The following LARP1 variants were observed in gnomAD, a reference collection of about 807,000 sequenced individuals.
LARP1 encodes La ribonucleoprotein 1, translational regulator.
A neutral mutation model predicts 122.7 loss-of-function variants in LARP1; 36 were observed. The ratio of observed to expected loss-of-function variants is 0.29; its 90% CI spans 0.22 to 0.39. LARP1 has a LOEUF of 0.39. Ranked by LOEUF, LARP1 falls within the 10% of genes least tolerant of loss-of-function variation. LARP1 has a pLI of 1.00. For synonymous variants in LARP1, 539 were observed against 528.7 expected (o/e 1.02, Z -0.27); for missense variants, 1,040 against 1,403.6 (o/e 0.74, Z 4.14).
At chr5:154,687,895 G>A (rs1354090405) in intron 1 of LARP1, among the ~76,000 whole-genome samples, 1 of 152,172 alleles carries the variant, frequency 6.6e-6, no homozygotes, top group Non-Finnish European at 1.5e-5. Flanking sequence ...GTTTTTGGTT[G>A]CACTGGCCCA....
intron 1 of LARP1, among the ~76,000 whole-genome samples, chr5:154,719,852 A>T (rs1329113549): frequency 1.6e-5 from 2 of 128,810 alleles, no homozygotes; most frequent in African/African-American, 3.2e-5. Flanking sequence ...ACAAAGTGAG[A>T]CTCTGTCTCA....
At chr5:154,797,221 G>GTTT (rs1158010359) in intron 8 of LARP1, among the ~76,000 whole-genome samples, 313 of 29,786 alleles carry the variant, frequency 0.011, 10 homozygotes, top group Non-Finnish European at 0.011. Flanking sequence ...TGTTGTTGTT[G>GTTT]TTTTTTTTTT....
At chr5:154,785,637 A>G (rs1289239873) in intron 1 of LARP1, among the ~76,000 whole-genome samples, 3 of 152,154 alleles carry the variant, frequency 2.0e-5, no homozygotes, top group Non-Finnish European at 4.4e-5. Context: ...AGCAAAGTCC[A>G]TGTGCTTAAT....
intron 1 of LARP1, among the ~76,000 whole-genome samples, chr5:154,715,264 CTTTTTTTT>C (rs35808885): frequency 2.2e-5 from 2 of 90,228 alleles, no homozygotes; most frequent in South Asian, 7.9e-4. Flanking sequence ...GCAAGCCTCT[CTTTTTTTT>C]TTTTTTTTTT....
In LARP1 at chr5:154,793,880, C is replaced by G. The variant is rs751697425; in HGVS notation, c.949C>G (p.His317Asp). The G allele has an allele frequency of 1.9e-6, 3 of 1,614,176 alleles. No individual in the cohort carries two copies. The highest frequency in any genetic ancestry group is 2.2e-5 in the South Asian group (2 of 91,088). ...AGAGATCAAACCGGAGCCTGCCTGG[C>G]ACGACCAGGATGAGACATCGAGTGT... ...QPEIKPEPAW[H>D]DQDETSSVKS... The change falls in exon 6 of 19, where the codon CAC (histidine) becomes GAC (aspartate). Residue 317 changes from histidine (H) to aspartate (D), a missense_variant. This residue lies in a region of LARP1 where 178 missense variants were observed against 178.3 expected (regional missense o/e 1.00). Transcript: ENST00000518297.
intron 1 of LARP1, among the ~76,000 whole-genome samples, chr5:154,707,296 T>C (rs1754997583): frequency 6.6e-6 from 1 of 152,216 alleles, no homozygotes; most frequent in Non-Finnish European, 1.5e-5. Flanking sequence ...AACTCATGGA[T>C]TTAAATACGT....
At position 154,759,385 on chromosome 5, in the gene LARP1, G is replaced by C. The variant is rs143238467; in HGVS notation, c.436+3192G>C. Among the ~76,000 whole-genome samples the C allele has an allele frequency of 9.9e-5, 15 of 152,188 alleles. No individual in the cohort carries two copies. The East Asian group carries it at 2.9e-3, about 29-fold the overall frequency. ...TATAAGTACTCCGTGAAATGTATGGGATCTGTCTCCTTAAAACTTGACTTT... is the reference window on the plus strand; with the variant it reads ...TATAAGTACTCCGTGAAATGTATGGCATCTGTCTCCTTAAAACTTGACTTT... On this transcript the variant is annotated intron_variant, in intron 1 of 18. Transcript: ENST00000518297.
At chr5:154,784,078 T>C (rs1269361876) in intron 1 of LARP1, among the ~76,000 whole-genome samples, 4 of 152,228 alleles carry the variant, frequency 2.6e-5, no homozygotes, top group Non-Finnish European at 4.4e-5. Flanking sequence ...GCAATTTCTC[T>C]GTATTTGGGA....
At chr5:154,700,583 G>C (rs184250019) in intron 1 of LARP1, among the ~76,000 whole-genome samples, 1 of 152,054 alleles carries the variant, frequency 6.6e-6, no homozygotes, top group East Asian at 1.9e-4. Context: ...TTACTGAGAT[G>C]ATGTTGTTGT....
intron 1 of LARP1, chr5:154,786,528 A>G: frequency 2.2e-6 from 1 of 454,526 alleles, no homozygotes; most frequent in Non-Finnish European, 4.4e-6. Flanking sequence ...CCTCCTAGGG[A>G]CTCTGTCTGC....
At chr5:154,690,678 C>T (rs532685815) in intron 1 of LARP1, among the ~76,000 whole-genome samples, 3 of 152,278 alleles carry the variant, frequency 2.0e-5, no homozygotes, top group South Asian at 2.1e-4. Flanking sequence ...CCCCCAGCTG[C>T]GGAGAGCAGG....
intron 10 of LARP1, among the ~76,000 whole-genome samples, chr5:154,801,417 T>C (rs1582460227): frequency 6.6e-6 from 1 of 152,338 alleles, no homozygotes; most frequent in East Asian, 1.9e-4. Context: ...ACAATGCAGT[T>C]GGCTGTTTGG....
rs1209933161 is a variant in LARP1 at position 154,805,786 on chromosome 5, G to A, written c.2547-95G>A. Reference sequence around the variant, plus strand: ...TTGTTTGATACCCTGTGAGAGGATGGATCTTGGCTGACAGAACGGATCAGA... The same window carrying A: ...TTGTTTGATACCCTGTGAGAGGATGAATCTTGGCTGACAGAACGGATCAGA... On this transcript the variant is annotated intron_variant, in intron 14 of 18. Transcript: ENST00000518297. 2.2e-6 allele frequency: 3 copies of A among 1,340,332 alleles called. No individual in the cohort carries two copies. The East Asian group carries it at 6.9e-5, about 31-fold the overall frequency. The allele number at this position is 1,340,332 out of a possible 1,614,324, so 83.0% of individuals were successfully genotyped here.
chr5:154,758,709 T>G (rs1754205835), intron 1 of LARP1, among the ~76,000 whole-genome samples: 1 of 152,230 alleles, frequency 6.6e-6, no homozygotes, highest in Non-Finnish European at 1.5e-5. Flanking sequence ...GAGTACCTCA[T>G]AAGCAAACTA....
intron 1 of LARP1, among the ~76,000 whole-genome samples, chr5:154,714,142 A>G (rs926042763): frequency 1.3e-5 from 2 of 152,214 alleles, no homozygotes; most frequent in African/African-American, 4.8e-5. Flanking sequence ...TTATGACCAA[A>G]CAAAGTCTGT....
upstream of LARP1, among the ~76,000 whole-genome samples, chr5:154,711,430 G>A (rs771736561): frequency 1.3e-5 from 2 of 152,092 alleles, no homozygotes; most frequent in African/African-American, 4.8e-5. Context: ...GTGAGCCACC[G>A]CACCCGGTAG....
chr5:154,817,509 A>G lies in LARP1; in HGVS notation c.*3413A>G, dbSNP rs1470203776. On this transcript the variant is annotated 3_prime_UTR_variant, in exon 19 of 19. Coordinates refer to ENST00000518297, the MANE Select transcript of LARP1 (RefSeq NM_033551.3). ...TCCAGGCTGAAGTGATTCATTCATT[A>G]TTCTAGTCCTGCTTTAGTCCTTTGT... 2.6e-5 allele frequency: 4 copies of G among 152,790 alleles called. No individual in the cohort carries two copies. In the East Asian group the frequency reaches 5.8e-4, roughly 22 times the overall value. 9.5% of individuals were successfully genotyped at this position (152,790 alleles called of 1,614,324 possible).
At chr5:154,776,826 C>G (rs1322553164) in intron 1 of LARP1, among the ~76,000 whole-genome samples, 1 of 152,228 alleles carries the variant, frequency 6.6e-6, no homozygotes, top group African/African-American at 2.4e-5. Context: ...AAACTACCTT[C>G]TGCTCAGGAA....
At chr5:154,763,841 T>TA (rs1243725458) in intron 1 of LARP1, among the ~76,000 whole-genome samples, 1 of 147,930 alleles carries the variant, frequency 6.8e-6, no homozygotes, top group Non-Finnish European at 1.5e-5. Context: ...CCCCATCTCT[T>TA]ACAAAAAAAA....
Sources: gnomAD v4.1 joint callset for allele counts (sites outside exome capture counted in the v4.1 genomes callset) on GRCh38, gnomAD v4.1.1 for gene constraint, gnomAD v4.1.1 regional missense constraint, MANE v1.5 for transcripts, NCBI Gene and HGNC (gene_info 2026-07-23, HGNC 2026-07-21) for gene names.